Variants in MRPL9 observed in about 807,000 individuals in gnomAD.
The protein encoded by MRPL9 is mitochondrial ribosomal protein L9.
A neutral mutation model predicts 27.6 loss-of-function variants in MRPL9; 25 were observed. The ratio of observed to expected loss-of-function variants is 0.91; its 90% CI spans 0.66 to 1.27. The LOEUF (loss-of-function observed/expected upper bound fraction) is 1.27. MRPL9 is among the 50% of genes most tolerant of loss of function. The probability of loss-of-function intolerance (pLI) is 0.00; values close to 1 mark genes in which losing one functional copy is unlikely to be tolerated. For missense variants in MRPL9, 362 were observed against 338.0 expected, an observed-to-expected ratio of 1.07 and a Z score of -0.56; for synonymous variants, 154 against 139.0, an observed-to-expected ratio of 1.11 and a Z score of -0.76.
chr1:151,760,810 A>G lies in MRPL9; in HGVS notation c.672+6T>C. On this transcript the variant is annotated splice_donor_region_variant and intron_variant, in intron 6 of 6. Transcript: ENST00000368830. ...AAAGAAAAAAGAAAGTATGCAAAAC[A>G]CTCACCGTCACCTCACACCAATACT... The G allele has an allele frequency of 6.4e-7, 1 of 1,566,920 alleles. No individual in the cohort carries two copies.
intron 5 of MRPL9, 112 bp downstream of exon 5, chr1:151,761,339 A>T: frequency 2.6e-6 from 2 of 775,852 alleles, no homozygotes; most frequent in South Asian, 3.1e-5. Flanking sequence ...ACTTTCCTTA[A>T]CTACAACTGG....
rs12077145 is a variant in MRPL9 at position 151,762,466 on chromosome 1, C to T, written c.345G>A (p.Lys115=). The T allele has an allele frequency of 1.0e-4, 167 of 1,614,004 alleles. No homozygotes were observed. Among genetic ancestry groups the T allele is most frequent in the Non-Finnish European group, 1.4e-4 (161 of 1,180,018 alleles). ...VGVRGDLVSV[K]KSLGRNRLLP... is the part of the protein sequence containing the mutation. ...GGAGTCGATTCCGGCCTAAAGATTT[C>T]TTCACTGAGACCAGGTCACCCCGGA... The change falls in exon 3 of 7, where the codon AAG becomes AAA. Residue 115 remains lysine (K), a synonymous_variant. Transcript: ENST00000368830.
In MRPL9 at chr1:151,761,868, T is replaced by G; in HGVS notation, c.486+237A>C. Reference sequence around the variant, plus strand: ...AGGCAGAGCCCTCATCTCAGACTATTCCATGGGTTCCCTGATTCCCAGATT... The same window carrying G: ...AGGCAGAGCCCTCATCTCAGACTATGCCATGGGTTCCCTGATTCCCAGATT... On this transcript the variant is annotated intron_variant, in intron 4 of 6. Transcript: ENST00000368830. 6.7e-6 allele frequency: 4 copies of G among 599,718 alleles called. No individual in the cohort carries two copies. The South Asian group carries it at 8.4e-5, about 13-fold the overall frequency. 37.1% of individuals were successfully genotyped at this position (599,718 alleles called of 1,614,324 possible). A position where few individuals can be genotyped will look rare whatever the true frequency, so the allele number is the denominator to read the frequency against.
chr1:151,760,657 G>A (rs1648021314), intron 6 of MRPL9, among the ~76,000 whole-genome samples, 159 bp downstream of exon 6: 2 of 150,666 alleles, frequency 1.3e-5, no homozygotes, highest in African/African-American at 4.9e-5. Context: ...TGTAGTCCTA[G>A]CTACTTGGGA....
intron 1 of MRPL9, 48 bp from the exon 2 acceptor site, chr1:151,763,194 C>G (rs1241063567): frequency 6.3e-7 from 1 of 1,587,770 alleles, no homozygotes; most frequent in Non-Finnish European, 8.6e-7. Context: ...AAGGAACACC[C>G]TCTCCCTCCA....
intron 3 of MRPL9, 66 bp from the exon 4 acceptor site, chr1:151,762,221 A>T: frequency 6.3e-7 from 1 of 1,578,660 alleles, no homozygotes; most frequent in Non-Finnish European, 8.7e-7. Flanking sequence ...ATAGCATCAA[A>T]CTATTCCTAT....
intron 2 of MRPL9, chr1:151,762,759 G>C (rs1648158354): frequency 4.5e-6 from 3 of 662,358 alleles, no homozygotes; most frequent in Non-Finnish European, 7.5e-6. Flanking sequence ...CAAATTGTCA[G>C]GCTCCTCTCC....
In MRPL9 at chr1:151,759,722, C is replaced by A. The variant is rs545571730; in HGVS notation, c.*328G>T. The A allele has an allele frequency of 4.3e-6, 1 of 233,226 alleles. No homozygotes were observed. Among genetic ancestry groups the A allele is most frequent in the African/African-American group, 2.3e-5 (1 of 43,570 alleles). The allele number at this position is 233,226 out of a possible 1,614,324, so 14.4% of individuals were successfully genotyped here. A position where few individuals can be genotyped will look rare whatever the true frequency, so the allele number is the denominator to read the frequency against. On this transcript the variant is annotated 3_prime_UTR_variant, in exon 7 of 7. Coordinates refer to ENST00000368830, the MANE Select transcript of MRPL9 (RefSeq NM_031420.4). ...TTGGATGATGAGAATGAGGCAAGTA[C>A]TGGAGACAATGGCTGGCTCTCCTGT...
At position 151,763,369 on chromosome 1, in the gene MRPL9, G is replaced by A; in HGVS notation, c.111C>T (p.Asn37=). ...QELLRPRHEG[N]APDLACNFSL... Reference sequence around the variant, plus strand: ...TGAAGTTGCAGGCCAGGTCAGGGGCGTTCCCTTCATGTCGCGGCCGCAGTA... The same window carrying A: ...TGAAGTTGCAGGCCAGGTCAGGGGCATTCCCTTCATGTCGCGGCCGCAGTA... Residue 37 remains asparagine (N), a synonymous_variant, in exon 1 of 7, where the codon AAC becomes AAT. Transcript: ENST00000368830. 6.3e-7 allele frequency: 1 copy of A among 1,575,050 alleles called. No homozygotes were observed. Among genetic ancestry groups the A allele is most frequent in the Non-Finnish European group, 8.6e-7 (1 of 1,159,054 alleles).
rs199741549 is a variant in MRPL9, at chr1:151,762,511, G to A, written c.311-11C>T. On this transcript the variant is annotated splice_polypyrimidine_tract_variant and intron_variant, in intron 2 of 6. Coordinates refer to ENST00000368830, the MANE Select transcript of MRPL9 (RefSeq NM_031420.4). ...CCCGGACTCCAACATCTGTCAATTA[G>A]AACAGAGACAGGGGAATTAGAACCA... 1.2e-4 allele frequency: 189 copies of A among 1,613,438 alleles called. No individual in the cohort carries two copies. The highest frequency in any genetic ancestry group is 2.5e-4 in the Admixed American group (15 of 59,970).
intron 6 of MRPL9, 133 bp downstream of exon 6, chr1:151,760,683 A>T: frequency 1.4e-6 from 1 of 737,570 alleles, no homozygotes; most frequent in African/African-American, 1.8e-5. Flanking sequence ...AGGTGGGAGG[A>T]TCGCTTGAAC....
At chr1:151,762,547 C>T (rs1438791629) in intron 2 of MRPL9, 47 bp from the exon 3 acceptor site, 12 of 1,564,000 alleles carry the variant, frequency 7.7e-6, no homozygotes, top group Non-Finnish European at 1.0e-5. Flanking sequence ...TCTAGGAGTC[C>T]CTAAAGAAAA....
chr1:151,763,000 C>A lies in MRPL9; in HGVS notation c.300G>T (p.Gln100His). 1 of 1,614,188 alleles carries A rather than the reference C, an allele frequency of 6.2e-7. No homozygotes were observed. The highest frequency in any genetic ancestry group is 8.5e-7 in the Non-Finnish European group (1 of 1,180,000). ...CGGCCCGGGCCTTACTCTCCACCGA[C>A]TGCGTCAGGATGAGCTCCAGGTTTT... is the stretch of plus-strand genomic sequence containing the variant. ...PKENLELILTQSVENVGVRGD... is the reference protein window; with the variant it reads ...PKENLELILTHSVENVGVRGD... The change falls in exon 2 of 7, where the codon CAG becomes CAT. Residue 100 changes from glutamine (Q) to histidine (H), a missense_variant. Transcript: ENST00000368830.
chr1:151,760,942 ACT>A (rs747610749), intron 5 of MRPL9, 43 bp from the exon 6 acceptor site: 96 of 1,498,520 alleles, frequency 6.4e-5, no homozygotes, highest in Non-Finnish European at 7.6e-5. Flanking sequence ...GCTCAAATGA[ACT>A]CTGTTTTCAT....
chr1:151,763,379 T>C lies in MRPL9; in HGVS notation c.101A>G (p.His34Arg), dbSNP rs1367632338. The C allele has an allele frequency of 1.9e-6, 3 of 1,570,638 alleles. No homozygotes were observed. The highest frequency in any genetic ancestry group is 1.8e-5 in the Admixed American group (1 of 54,344). Residue 34 changes from histidine to arginine, a missense_variant, in exon 1 of 7, where the codon CAT becomes CGT. By Grantham distance (29) the His-to-Arg change is conservative. Coordinates refer to ENST00000368830, the MANE Select transcript of MRPL9 (RefSeq NM_031420.4). ...GGCCAGGTCAGGGGCGTTCCCTTCA[T>C]GTCGCGGCCGCAGTAGCTCCTGGAC... ...GGVQELLRPR[H>R]EGNAPDLACN...
chr1:151,763,311 C>G lies in MRPL9; in HGVS notation c.153+16G>C. The G allele has an allele frequency of 2.5e-6, 4 of 1,593,906 alleles. No individual in the cohort carries two copies. Among genetic ancestry groups the G allele is most frequent in the Non-Finnish European group, 3.4e-6 (4 of 1,169,096 alleles). ...ACTCGAGCGTATCTACCCCCTACCC[C>G]AGACTCAGCCCTCACCCGATTTTGA... On this transcript the variant is annotated intron_variant, in intron 1 of 6. Coordinates refer to ENST00000368830, the MANE Select transcript of MRPL9 (RefSeq NM_031420.4).
chr1:151,763,017 C>T lies in MRPL9; in HGVS notation c.283G>A (p.Glu95Lys), dbSNP rs146246134. 4,686 of 1,614,190 alleles carry T rather than the reference C, an allele frequency of 2.9e-3. 16 individuals are homozygous for T. The highest frequency in any genetic ancestry group is 3.7e-3 in the Non-Finnish European group (4,349 of 1,180,036). Residue 95 changes from glutamate to lysine, a missense_variant, in exon 2 of 7, where the codon GAG becomes AAG. Transcript: ENST00000368830. The stretch of plus-strand genomic sequence containing the variant: ...TCCACCGACTGCGTCAGGATGAGCT[C>T]CAGGTTTTCTTTGGGCCGATGCTTC... ...DTKHRPKENL[E>K]LILTQSVENV...
intron 6 of MRPL9, 58 bp from the exon 7 acceptor site, chr1:151,760,239 C>T: frequency 6.2e-7 from 1 of 1,601,206 alleles, no homozygotes; most frequent in African/African-American, 1.3e-5. Context: ...GATTTAGCAC[C>T]ACCTAATCCC....
Position 151,763,051 on chromosome 1 carries a change from C to T in MRPL9, c.249G>A (p.Val83=). The change falls in exon 2 of 7, where the codon GTG becomes GTA. Residue 83 remains valine (V), a synonymous_variant. Coordinates refer to ENST00000368830, the MANE Select transcript of MRPL9 (RefSeq NM_031420.4). The part of the protein sequence containing the change: ...LHRRHRVYKL[V]EDTKHRPKEN... ...CTTTGGGCCGATGCTTCGTGTCCTC[C>T]ACCAGCTTATAGACGCGATGTCGCC... The T allele has an allele frequency of 6.2e-7, 1 of 1,614,238 alleles. No individual in the cohort carries two copies. Among genetic ancestry groups the T allele is most frequent in the Non-Finnish European group, 8.5e-7 (1 of 1,180,050 alleles).
Sources: allele counts gnomAD v4.1 joint callset (sites outside exome capture counted in the v4.1 genomes callset), GRCh38; gene constraint gnomAD v4.1.1; transcripts MANE v1.5; gene names NCBI Gene and HGNC (gene_info 2026-07-23, HGNC 2026-07-21).